Variants in PASK observed in about 807,000 individuals in gnomAD.
PASK encodes the protein PAS domain containing serine/threonine kinase.
PASK carries 110 observed loss-of-function variants against 121.0 expected under a neutral mutation model. The observed-to-expected ratio is 0.91, with a 90% CI of 0.78 to 1.06. PASK has a LOEUF of 1.06. PASK is among the 50% of genes least tolerant of loss of function. PASK has a pLI of 0.00. For missense variants in PASK, 1,643 were observed against 1,702.3 expected (o/e 0.97, Z 0.61); for synonymous variants, 686 against 717.8 (o/e 0.96, Z 0.71).
At chr2:241,114,098 A>C (rs2065226601) in intron 14 of PASK, 1 of 985,268 alleles carries the variant, frequency 1.0e-6, no homozygotes, top group African/African-American at 1.7e-5. Flanking sequence ...AACCTCATAC[A>C]GATACTCTGT....
Position 241,108,713 on chromosome 2 carries a change from G to A in PASK, c.3534-413C>T, listed in dbSNP as rs953237930. 2.0e-5 allele frequency: 7 copies of A among 344,382 alleles called. No homozygotes were observed. Among genetic ancestry groups the A allele is most frequent in the East Asian group, 1.5e-4 (2 of 13,384 alleles). 21.3% of individuals were successfully genotyped at this position (344,382 alleles called of 1,614,324 possible). Reference sequence around the variant, plus strand: ...TTCAGACGTGATCAGGCATGTTCACGATCTTGGTGTGAACGGGCTTGGTGT... The same window carrying A: ...TTCAGACGTGATCAGGCATGTTCACAATCTTGGTGTGAACGGGCTTGGTGT... On this transcript the variant is annotated intron_variant, in intron 15 of 17. Transcript: ENST00000234040. This position sits in a 1 kb window ranked among gnomAD's most constrained non-coding sequence, Gnocchi z 5.2.
chr2:241,141,968 C>T (rs1559400701), intron 2 of PASK, among the ~76,000 whole-genome samples: 2 of 152,304 alleles, frequency 1.3e-5, no homozygotes, highest in East Asian at 3.9e-4. Context: ...CATGCAGCCA[C>T]CAGAATGATG....
At chr2:241,107,235 C>A (rs1173095166) in intron 17 of PASK, 118 bp downstream of exon 17, 1 of 927,102 alleles carries the variant, frequency 1.1e-6, no homozygotes, top group East Asian at 2.4e-5. Flanking sequence ...ACATTTGTGT[C>A]CAAGACAGCA....
chr2:241,120,760 T>C (rs1346234150), intron 12 of PASK, among the ~76,000 whole-genome samples: 1 of 152,170 alleles, frequency 6.6e-6, no homozygotes, highest in Non-Finnish European at 1.5e-5. Flanking sequence ...TAGAAAACTG[T>C]TCAGCAGTTC....
intron 6 of PASK, among the ~76,000 whole-genome samples, chr2:241,137,479 G>A (rs1257620685): frequency 1.3e-5 from 2 of 152,192 alleles, no homozygotes; most frequent in East Asian, 1.9e-4. Context: ...GTCCAGAGCC[G>A]CCCCAGGCAC....
At chr2:241,114,899 T>C (rs763284673) in intron 14 of PASK, 144 bp downstream of exon 14, 14 of 1,538,256 alleles carry the variant, frequency 9.1e-6, no homozygotes, top group Non-Finnish European at 1.2e-5. Context: ...TCTCAAAATA[T>C]ATATCCTACT....
intron 12 of PASK, 21 bp from the exon 13 acceptor site, chr2:241,115,434 A>G (rs1171728728): frequency 1.2e-6 from 2 of 1,613,682 alleles, no homozygotes; most frequent in Middle Eastern, 1.7e-4. Context: ...GACAGAGCGT[A>G]GTGGAAATAG....
chr2:241,138,517 T>A, intron 5 of PASK, 137 bp downstream of exon 5: 1 of 982,488 alleles, frequency 1.0e-6, no homozygotes, highest in Non-Finnish European at 1.6e-6. Context: ...TCAGCGAGGG[T>A]ACCACTGGGC....
chr2:241,122,385 T>C (rs528272822), intron 12 of PASK, among the ~76,000 whole-genome samples: 25 of 152,368 alleles, frequency 1.6e-4, no homozygotes, highest in Admixed American at 1.6e-3. Flanking sequence ...CCGTGAGATA[T>C]GAGCATCTCA....
intron 1 of PASK, among the ~76,000 whole-genome samples, chr2:241,148,753 T>C (rs2067102722): frequency 6.6e-6 from 1 of 151,886 alleles, no homozygotes; most frequent in East Asian, 1.9e-4. Context: ...AGGCAAGAAA[T>C]TATAAAGTCT....
At chr2:241,143,573 A>C (rs1007540698) in intron 1 of PASK, among the ~76,000 whole-genome samples, 4 of 152,056 alleles carry the variant, frequency 2.6e-5, no homozygotes, top group African/African-American at 4.8e-5. Flanking sequence ...AAAAAAAAAG[A>C]AGCTCTTTCC....
chr2:241,132,734 G>A (rs1029024750), intron 9 of PASK, 140 bp downstream of exon 9: 3 of 745,220 alleles, frequency 4.0e-6, no homozygotes, highest in East Asian at 2.7e-5. Flanking sequence ...GTGTGTGGAA[G>A]AGAGCAGGTG....
intron 9 of PASK, among the ~76,000 whole-genome samples, chr2:241,131,984 C>G (rs2066158907): frequency 7.3e-6 from 1 of 137,658 alleles, no homozygotes; most frequent in African/African-American, 2.8e-5. Context: ...AACCAGGGGG[C>G]AGAAGTTACA....
intron 9 of PASK, among the ~76,000 whole-genome samples, chr2:241,131,826 C>A (rs185457880): frequency 6.6e-5 from 10 of 152,038 alleles, no homozygotes; most frequent in Non-Finnish European, 8.8e-5. Flanking sequence ...GAGGCCAAGG[C>A]GGGTGGACCA....
chr2:241,141,141 G>A (rs997190), intron 2 of PASK, among the ~76,000 whole-genome samples: 1 of 152,126 alleles, frequency 6.6e-6, no homozygotes, highest in Non-Finnish European at 1.5e-5. Flanking sequence ...GTAAAAATCA[G>A]TTGGGCATAG....
At position 241,132,950 on chromosome 2, in the gene PASK, T is replaced by G; in HGVS notation, c.1387A>C (p.Ile463Leu). The G allele has an allele frequency of 1.2e-6, 2 of 1,613,974 alleles. No homozygotes were observed. The highest frequency in any genetic ancestry group is 1.7e-6 in the Non-Finnish European group (2 of 1,179,864). ...EIRKLMESQD[I>L]FTGTQTELIA... is the part of the protein sequence containing the mutation. ...AGCTCAGTCTGAGTCCCGGTGAAGA[T>G]GTCTTGGCTTTCCATCAGCTTCCGG... is the stretch of plus-strand genomic sequence containing the variant. The change falls in exon 9 of 18, where the codon ATC becomes CTC. Residue 463 changes from isoleucine (I) to leucine (L), a missense_variant. By Grantham distance (5) the Ile-to-Leu change is conservative (BLOSUM62 2). Transcript: ENST00000234040.
At chr2:241,110,025 AAC>A (rs1439842076) in intron 15 of PASK, among the ~76,000 whole-genome samples, 1 of 152,256 alleles carries the variant, frequency 6.6e-6, no homozygotes, top group Non-Finnish European at 1.5e-5. Flanking sequence ...CAGCATCACG[AAC>A]AACATAAAGA....
At chr2:241,122,176 T>C (rs1434115043) in intron 12 of PASK, among the ~76,000 whole-genome samples, 3 of 151,552 alleles carry the variant, frequency 2.0e-5, no homozygotes, top group African/African-American at 7.3e-5. Flanking sequence ...CTCAAATAAA[T>C]GATCTAAGAT....
At chr2:241,143,671 G>A (rs1322803443) in intron 1 of PASK, among the ~76,000 whole-genome samples, 1 of 152,204 alleles carries the variant, frequency 6.6e-6, no homozygotes, top group East Asian at 1.9e-4. Flanking sequence ...ATGAGGGAAG[G>A]CAGGGACTGC....
Sources: allele counts gnomAD v4.1 joint callset (sites outside exome capture counted in the v4.1 genomes callset), GRCh38; gene constraint gnomAD v4.1.1; non-coding constraint Gnocchi (gnomAD v3.1); transcripts MANE v1.5; gene names NCBI Gene and HGNC (gene_info 2026-07-23, HGNC 2026-07-21).